Variants in PCDH9 observed in about 807,000 individuals in gnomAD.
The protein encoded by PCDH9 is protocadherin-9.
PCDH9 carries 24 observed loss-of-function variants against 70.6 expected under a neutral mutation model. The ratio of observed to expected loss-of-function variants is 0.34; its 90% CI spans 0.25 to 0.48. PCDH9 has a LOEUF of 0.48. PCDH9 is among the 20% of genes least tolerant of loss of function. The probability of loss-of-function intolerance (pLI) is 0.99; values close to 1 mark genes in which losing one functional copy is unlikely to be tolerated. For synonymous variants in PCDH9, 562 were observed against 558.5 expected (o/e 1.01, Z -0.09); for missense variants, 1,281 against 1,503.6 (o/e 0.85, Z 2.45).
chr13:66,786,827 T>C (rs1262040845), intron 3 of PCDH9, among the ~76,000 whole-genome samples: 1 of 152,084 alleles, frequency 6.6e-6, no homozygotes, highest in Non-Finnish European at 1.5e-5. Flanking sequence ...TTAACCTTGA[T>C]TAAACTTCAA....
intron 4 of PCDH9, among the ~76,000 whole-genome samples, chr13:66,382,973 A>G (rs1956873192): frequency 6.6e-6 from 1 of 152,196 alleles, no homozygotes. Context: ...GGTTGCAGTG[A>G]GCCAAGAACA....
chr13:66,747,778 CAT>C (rs1256218091), intron 3 of PCDH9, among the ~76,000 whole-genome samples: 7 of 152,096 alleles, frequency 4.6e-5, no homozygotes, highest in Non-Finnish European at 8.8e-5. Context: ...CTGAAGCACA[CAT>C]ATGTATATAT....
intron 3 of PCDH9, among the ~76,000 whole-genome samples, chr13:66,756,513 G>A (rs1049927683): frequency 4.7e-5 from 6 of 128,512 alleles, no homozygotes; most frequent in Non-Finnish European, 1.1e-4. Flanking sequence ...GTCTTTTGTA[G>A]GATAATCTTT....
At chr13:67,216,828 A>C (rs1390248316) in intron 2 of PCDH9, 1 of 151,632 alleles carries the variant, frequency 6.6e-6, no homozygotes, top group Non-Finnish European at 1.5e-5. Flanking sequence ...AGTGAATGAC[A>C]AGAAATGGAG....
Position 66,319,259 on chromosome 13 carries a change from A to T in PCDH9, c.3341-14231T>A, listed in dbSNP as rs78155423. Reference sequence around the variant, plus strand: ...GGGAAAAGTGCCCCATGATCCAATCACTTCCCTTCCTCGACATGTGAGGAT... The same window carrying T: ...GGGAAAAGTGCCCCATGATCCAATCTCTTCCCTTCCTCGACATGTGAGGAT... On this transcript the variant is annotated intron_variant, in intron 4 of 4. Transcript: ENST00000377865. 3.5e-4 allele frequency among the ~76,000 whole-genome samples: 54 copies of T among 152,248 alleles called. No homozygotes were observed. In the East Asian group the frequency reaches 8.7e-3, roughly 25 times the overall value.
chr13:66,562,858 C>A (rs1243723459), intron 4 of PCDH9, among the ~76,000 whole-genome samples: 1 of 152,052 alleles, frequency 6.6e-6, no homozygotes, highest in Non-Finnish European at 1.5e-5. Context: ...ACGAAACTAG[C>A]AGTTTATGCT....
At chr13:66,843,807 C>T (rs1268394497) in intron 3 of PCDH9, among the ~76,000 whole-genome samples, 4 of 152,186 alleles carry the variant, frequency 2.6e-5, no homozygotes. Context: ...GAGATGGTAC[C>T]TGCTGGTGAC....
intron 4 of PCDH9, among the ~76,000 whole-genome samples, chr13:66,438,811 T>C (rs914932681): frequency 1.3e-5 from 2 of 152,174 alleles, no homozygotes; most frequent in African/African-American, 4.8e-5. Context: ...AAGGAATAAA[T>C]GGTACTGTGT....
At chr13:66,881,709 G>C (rs1338760384) in intron 3 of PCDH9, among the ~76,000 whole-genome samples, 1 of 152,078 alleles carries the variant, frequency 6.6e-6, no homozygotes, top group East Asian at 1.9e-4. Context: ...ATGTTTTCTA[G>C]AATTCTATTT....
intron 3 of PCDH9, among the ~76,000 whole-genome samples, chr13:66,743,649 T>A (rs1377116132): frequency 6.6e-6 from 1 of 152,170 alleles, no homozygotes; most frequent in Non-Finnish European, 1.5e-5. Flanking sequence ...AGATTTTAAG[T>A]GTTCTCACTA....
intron 4 of PCDH9, among the ~76,000 whole-genome samples, chr13:66,625,295 T>G (rs139442383): frequency 6.6e-6 from 1 of 152,196 alleles, no homozygotes; most frequent in African/African-American, 2.4e-5. Context: ...CCAACAAAAT[T>G]TTAGGTCACC....
chr13:66,826,256 G>A (rs555736498), intron 3 of PCDH9, among the ~76,000 whole-genome samples: 1 of 152,212 alleles, frequency 6.6e-6, no homozygotes, highest in Non-Finnish European at 1.5e-5. Flanking sequence ...AAACAAAAAT[G>A]GTTTCCAAGA....
chr13:66,452,245 T>C (rs943392851), intron 4 of PCDH9, among the ~76,000 whole-genome samples: 1 of 152,192 alleles, frequency 6.6e-6, no homozygotes, highest in South Asian at 2.1e-4. Flanking sequence ...ATATGACCTA[T>C]GACTGGTCTT....
chr13:66,536,412 CTT>C (rs1400241349), intron 4 of PCDH9, among the ~76,000 whole-genome samples: 1 of 152,014 alleles, frequency 6.6e-6, no homozygotes, highest in African/African-American at 2.4e-5. Context: ...TAAAAGTAAA[CTT>C]AATTTTTTGC....
At chr13:67,006,820 A>G (rs2139832532) in intron 2 of PCDH9, among the ~76,000 whole-genome samples, 1 of 152,260 alleles carries the variant, frequency 6.6e-6, no homozygotes, top group South Asian at 2.1e-4. Context: ...ATAAGATATA[A>G]GTGACTTATT....
chr13:66,849,521 G>GAC (rs2081280066), intron 3 of PCDH9, among the ~76,000 whole-genome samples: 1 of 139,260 alleles, frequency 7.2e-6, no homozygotes, highest in Non-Finnish European at 1.5e-5. Context: ...TATATATAGA[G>GAC]AGAGAGAGAG....
intron 3 of PCDH9, among the ~76,000 whole-genome samples, chr13:66,863,137 G>A (rs897370580): frequency 5.3e-5 from 8 of 152,152 alleles, no homozygotes; most frequent in Non-Finnish European, 1.0e-4. Flanking sequence ...TAGGGCTGCA[G>A]TAGTGTTAAT....
intron 2 of PCDH9, among the ~76,000 whole-genome samples, chr13:67,135,099 A>G (rs1189062430): frequency 1.3e-5 from 2 of 152,112 alleles, no homozygotes. Flanking sequence ...TGATACCATT[A>G]TTTATACAAC....
rs561873027 is a variant in PCDH9, at chr13:66,823,246, A to G, written c.3138+80258T>C. On this transcript the variant is annotated intron_variant, in intron 3 of 4. Transcript: ENST00000377865. ...TTTTTATAAATATATGCATTTATAC[A>G]TTTTTAGCTGTCCATAAATATTAAA... Among the ~76,000 whole-genome samples the G allele has an allele frequency of 1.2e-4, 18 of 152,080 alleles. No individual in the cohort carries two copies. In the East Asian group the frequency reaches 3.3e-3, roughly 28 times the overall value.
Sources: allele counts gnomAD v4.1 joint callset (sites outside exome capture counted in the v4.1 genomes callset), GRCh38; gene constraint gnomAD v4.1.1; transcripts MANE v1.5; gene names NCBI Gene and HGNC (gene_info 2026-07-23, HGNC 2026-07-21).